Variants in AHR observed in about 807,000 individuals in gnomAD.
AHR encodes aryl hydrocarbon receptor, also known as AH-receptor.
A neutral mutation model predicts 86.8 loss-of-function variants in AHR; 40 were observed. The observed-to-expected ratio is 0.46, with a 90% CI of 0.36 to 0.60. The LOEUF is 0.60. AHR is among the 20% of genes least tolerant of loss of function. The pLI is 0.00. For missense variants in AHR, 1,001 were observed against 1,011.6 expected, an observed-to-expected ratio of 0.99 and a Z score of 0.14; for synonymous variants, 398 against 354.9, an observed-to-expected ratio of 1.12 and a Z score of -1.37.
At chr7:17,324,779 G>A (rs550814646) in intron 3 of AHR, among the ~76,000 whole-genome samples, 3 of 151,034 alleles carry the variant, frequency 2.0e-5, no homozygotes, top group Admixed American at 6.6e-5. Context: ...TCCAGCCCGG[G>A]TGACAATGCG....
chr7:17,333,779 A>G (rs1318749243), intron 6 of AHR, 133 bp from the exon 7 acceptor site: 2 of 671,576 alleles, frequency 3.0e-6, no homozygotes, highest in South Asian at 2.0e-5. Context: ...AAGGAAACTA[A>G]CAGTTCTCAG....
rs34380431 is a variant in AHR, at chr7:17,299,233, C to T, written c.-32C>T. ...TTCCGGGGACCCGGCCGCCAGTGCC[C>T]GGGGAGTAGCCGCCGCCGTCGGCTG... On this transcript the variant is annotated 5_prime_UTR_variant, in exon 1 of 11. Transcript: ENST00000242057. 1,323 of 1,606,478 alleles carry T rather than the reference C, an allele frequency of 8.2e-4. 24 individuals are homozygous for T. The South Asian group carries it at 0.014, about 17-fold the overall frequency.
In AHR at chr7:17,305,636, G is replaced by A. The variant is rs542330553; in HGVS notation, c.66-4300G>A. Reference sequence around the variant, plus strand: ...ATTAAATCACCCCGAGGAAAAATCCGATAGAGCAAACTCAGTACTGTGAGA... The same window carrying A: ...ATTAAATCACCCCGAGGAAAAATCCAATAGAGCAAACTCAGTACTGTGAGA... On this transcript the variant is annotated intron_variant, in intron 1 of 10. Transcript: ENST00000242057. Among the ~76,000 whole-genome samples, 3 of 152,214 alleles carry A rather than the reference G, an allele frequency of 2.0e-5. No individual in the cohort carries two copies. The East Asian group carries it at 5.8e-4, about 29-fold the overall frequency.
rs972893283 is a variant in AHR, at chr7:17,326,387, G to A, written c.361-1372G>A. Among the ~76,000 whole-genome samples, 10 of 152,228 alleles carry A rather than the reference G, an allele frequency of 6.6e-5. No homozygotes were observed. In the East Asian group the frequency reaches 1.9e-3, roughly 29 times the overall value. On this transcript the variant is annotated intron_variant, in intron 3 of 10. Coordinates refer to ENST00000242057, the MANE Select transcript of AHR (RefSeq NM_001621.5). ...TGAAGATATCGACTGGACTATATGT[G>A]AGCAGCATAAGCACTAGGGCAAAGA...
At position 17,298,666 on chromosome 7, in the gene AHR, C is replaced by G; in HGVS notation, c.-599C>G. The G allele has an allele frequency of 5.1e-6, 2 of 395,104 alleles. No homozygotes were observed. The highest frequency in any genetic ancestry group is 3.6e-5 in the East Asian group (1 of 27,858). 24.5% of individuals were successfully genotyped at this position (395,104 alleles called of 1,614,324 possible). ...CGGCGGGAGGCAGTGGCTGGGGAGT[C>G]CCGTCGACGCTCTGTTCCGAGAGCG... On this transcript the variant is annotated 5_prime_UTR_variant, in exon 1 of 11. Transcript: ENST00000242057.
chr7:17,312,688 TTTA>T (rs1284879557), intron 2 of AHR, among the ~76,000 whole-genome samples: 1 of 152,218 alleles, frequency 6.6e-6, no homozygotes, highest in Non-Finnish European at 1.5e-5. Context: ...TTGTCTGTTT[TTTA>T]TTCTGGTTCA....
At chr7:17,309,914 T>C (rs1782044602) in intron 1 of AHR, 22 bp from the exon 2 acceptor site, 1 of 1,505,018 alleles carries the variant, frequency 6.6e-7, no homozygotes, top group South Asian at 1.4e-5. Context: ...GGATTTTTTA[T>C]GGTATTTTGT....
intron 9 of AHR, 70 bp from the exon 10 acceptor site, chr7:17,338,916 T>C: frequency 7.2e-7 from 1 of 1,397,072 alleles, no homozygotes; most frequent in East Asian, 2.5e-5. Context: ...TGTTTTTCTT[T>C]TTTAAATTAT....
chr7:17,322,409 AAATTGTCTTTGT>A, intron 2 of AHR, 80 bp from the exon 3 acceptor site: 1 of 785,144 alleles, frequency 1.3e-6, no homozygotes, highest in Non-Finnish European at 2.1e-6. Flanking sequence ...CCAGTATTTC[AAATTGTCTTTGT>A]TTGGTGTTCA....
intron 6 of AHR, among the ~76,000 whole-genome samples, chr7:17,332,748 C>T (rs1194682760): frequency 6.6e-6 from 1 of 151,818 alleles, no homozygotes; most frequent in Non-Finnish European, 1.5e-5. Flanking sequence ...CAGGCATAAG[C>T]CACTGCACCT....
At position 17,309,840 on chromosome 7, in the gene AHR, T is replaced by C. The variant is rs542055901; in HGVS notation, c.66-96T>C. 43 of 1,058,404 alleles carry C rather than the reference T, an allele frequency of 4.1e-5. No individual in the cohort carries two copies. The East Asian group carries it at 1.0e-3, about 26-fold the overall frequency. The allele number at this position is 1,058,404 out of a possible 1,614,324, so 65.6% of individuals were successfully genotyped here. A position where few individuals can be genotyped will look rare whatever the true frequency, so the allele number is the denominator to read the frequency against. On this transcript the variant is annotated intron_variant, in intron 1 of 10. Transcript: ENST00000242057. Reference sequence around the variant, plus strand: ...TTAAGTAGACTTTAAAAGTTTGTTGTGTTAGAGAAATATTTGAGGAGATGT... The same window carrying C: ...TTAAGTAGACTTTAAAAGTTTGTTGCGTTAGAGAAATATTTGAGGAGATGT...
intron 6 of AHR, 52 bp from the exon 7 acceptor site, chr7:17,333,860 A>G: frequency 6.7e-7 from 1 of 1,486,326 alleles, no homozygotes; most frequent in Non-Finnish European, 9.3e-7. Flanking sequence ...AAAAGGCACT[A>G]TTTTATATTG....
intron 2 of AHR, among the ~76,000 whole-genome samples, chr7:17,313,417 A>G (rs1015323349): frequency 6.6e-6 from 1 of 152,198 alleles, no homozygotes; most frequent in African/African-American, 2.4e-5. Context: ...CGGAAAGAAC[A>G]ATATAAACGA....
At chr7:17,306,954 A>G (rs571435567) in intron 1 of AHR, among the ~76,000 whole-genome samples, 1 of 152,324 alleles carries the variant, frequency 6.6e-6, no homozygotes, top group African/African-American at 2.4e-5. Flanking sequence ...TTAAGCTTAC[A>G]TAGAAATAAG....
intron 3 of AHR, among the ~76,000 whole-genome samples, chr7:17,325,977 C>G (rs2115361509): frequency 6.6e-6 from 1 of 152,232 alleles, no homozygotes; most frequent in East Asian, 1.9e-4. Context: ...CAGTCAGAAC[C>G]ATGCACCAAT....
intron 4 of AHR, among the ~76,000 whole-genome samples, chr7:17,328,171 A>G (rs982595718): frequency 6.6e-6 from 1 of 151,978 alleles, no homozygotes; most frequent in Non-Finnish European, 1.5e-5. Flanking sequence ...CAGAGGATAT[A>G]TGACAACTAT....
intron 2 of AHR, among the ~76,000 whole-genome samples, chr7:17,318,322 A>T (rs992810526): frequency 1.5e-4 from 23 of 152,110 alleles, no homozygotes; most frequent in African/African-American, 5.6e-4. Context: ...AAAGTACCGT[A>T]TTAGGAAACA....
intron 10 of AHR, 143 bp downstream of exon 10, chr7:17,340,371 AC>A: frequency 8.8e-7 from 1 of 1,136,622 alleles, no homozygotes; most frequent in Non-Finnish European, 1.2e-6. Flanking sequence ...ATCTGTGACT[AC>A]CTTTTTTTTT....
chr7:17,317,507 A>G (rs1373617809), intron 2 of AHR, among the ~76,000 whole-genome samples: 1 of 152,174 alleles, frequency 6.6e-6, no homozygotes, highest in East Asian at 1.9e-4. Context: ...CACAATAATA[A>G]CTGTGCTGAA....
Sources: allele counts gnomAD v4.1 joint callset (sites outside exome capture counted in the v4.1 genomes callset), GRCh38; gene constraint gnomAD v4.1.1; transcripts MANE v1.5; gene names NCBI Gene and HGNC (gene_info 2026-07-23, HGNC 2026-07-21).